CNTNAP2: variants seen among roughly 807,000 people sequenced by gnomAD.
CNTNAP2 encodes contactin-associated protein-like 2.
CNTNAP2 carries 98 observed loss-of-function variants against 155.2 expected under a neutral mutation model. That is an observed-to-expected ratio of 0.63 (90% CI 0.54 to 0.75). The LOEUF (loss-of-function observed/expected upper bound fraction) is 0.75. Among genes scored for constraint, CNTNAP2 ranks in the 30% least tolerant of loss-of-function variants. CNTNAP2 has a pLI of 0.00. For synonymous variants in CNTNAP2, 651 were observed against 631.2 expected (o/e 1.03, Z -0.47); for missense variants, 1,727 against 1,688.1 (o/e 1.02, Z -0.40).
chr7:147,598,828 T>G (rs1021043634), intron 12 of CNTNAP2, among the ~76,000 whole-genome samples: 1 of 152,062 alleles, frequency 6.6e-6, no homozygotes, highest in Non-Finnish European at 1.5e-5. Flanking sequence ...TGAGTTCTCA[T>G]GAGAGCTGAT....
At chr7:146,278,704 A>G (rs1477970392) in intron 1 of CNTNAP2, among the ~76,000 whole-genome samples, 1 of 152,152 alleles carries the variant, frequency 6.6e-6, no homozygotes, top group African/African-American at 2.4e-5. Context: ...AAAAGCAGAA[A>G]ATAGTGATTG....
intron 9 of CNTNAP2, among the ~76,000 whole-genome samples, chr7:147,324,072 G>T (rs10500175): frequency 6.6e-6 from 1 of 151,790 alleles, no homozygotes; most frequent in African/African-American, 2.4e-5. Flanking sequence ...TGAAGGTATA[G>T]TGTGTAGAAT....
At chr7:146,673,912 A>T (rs1251143786) in intron 1 of CNTNAP2, among the ~76,000 whole-genome samples, 1 of 152,150 alleles carries the variant, frequency 6.6e-6, no homozygotes, top group Non-Finnish European at 1.5e-5. Context: ...AACAAACCCA[A>T]GATCAAATTA....
intron 9 of CNTNAP2, among the ~76,000 whole-genome samples, chr7:147,363,525 C>A (rs1353590961): frequency 6.6e-6 from 1 of 152,116 alleles, no homozygotes; most frequent in East Asian, 1.9e-4. Context: ...TTTTCTTGTA[C>A]ACATTCTTTT....
chr7:146,313,970 G>A (rs1202117632), intron 1 of CNTNAP2, among the ~76,000 whole-genome samples: 1 of 151,980 alleles, frequency 6.6e-6, no homozygotes. Context: ...CTGCACTCCG[G>A]TCTGTATGAA....
Position 147,534,401 on chromosome 7 carries a change from T to G in CNTNAP2, c.1778-27737T>G, listed in dbSNP as rs115036350. Among the ~76,000 whole-genome samples the G allele has an allele frequency of 7.5e-3, 1,149 of 152,312 alleles. 16 individuals carry two copies. Among genetic ancestry groups the G allele is most frequent in the African/African-American group, 0.026 (1,099 of 41,562 alleles). On this transcript the variant is annotated intron_variant, in intron 11 of 23. Coordinates refer to ENST00000361727, the MANE Select transcript of CNTNAP2 (RefSeq NM_014141.6). The stretch of plus-strand genomic sequence containing the variant: ...CAGTGCCACTTAGAATTATATTTCT[T>G]AACAAGTTAGAGCTCAATTTCCTCT...
At chr7:148,309,235 C>T (rs1224877908) in intron 21 of CNTNAP2, among the ~76,000 whole-genome samples, 7 of 152,154 alleles carry the variant, frequency 4.6e-5, no homozygotes. Flanking sequence ...TCTTTAAGCA[C>T]ATTTGTTTGT....
chr7:146,558,175 T>C (rs1053891359), intron 1 of CNTNAP2, among the ~76,000 whole-genome samples: 2 of 152,130 alleles, frequency 1.3e-5, no homozygotes, highest in Non-Finnish European at 2.9e-5. Flanking sequence ...TGGACATTCA[T>C]AGCCTGAGGC....
intron 8 of CNTNAP2, among the ~76,000 whole-genome samples, chr7:147,268,311 G>A (rs1227364497): frequency 2.0e-5 from 3 of 151,970 alleles, no homozygotes; most frequent in African/African-American, 7.3e-5. Flanking sequence ...ATATCTTGCT[G>A]CACTGACTTC....
Position 146,639,294 on chromosome 7 carries a change from C to T in CNTNAP2, c.98-134977C>T, listed in dbSNP as rs117605084. Among the ~76,000 whole-genome samples, 70 of 152,186 alleles carry T rather than the reference C, an allele frequency of 4.6e-4. No individual in the cohort carries two copies. The East Asian group carries it at 0.012, about 25-fold the overall frequency. On this transcript the variant is annotated intron_variant, in intron 1 of 23. Coordinates refer to ENST00000361727, the MANE Select transcript of CNTNAP2 (RefSeq NM_014141.6). ...TACTTTAAAAGCTGAAGCACATTAC[C>T]GGAAAAAGCATGATGTGACATCGTT...
chr7:147,399,809 T>C (rs954855458), intron 10 of CNTNAP2, among the ~76,000 whole-genome samples: 2 of 152,160 alleles, frequency 1.3e-5, no homozygotes, highest in Non-Finnish European at 2.9e-5. Flanking sequence ...AGTTACATTT[T>C]ATAAGCAATC....
intron 13 of CNTNAP2, among the ~76,000 whole-genome samples, chr7:147,881,735 C>T (rs1799525828): frequency 6.6e-6 from 1 of 152,254 alleles, no homozygotes; most frequent in South Asian, 2.1e-4. Flanking sequence ...CTTTGGGAGG[C>T]CGAGGCTGGC....
chr7:147,778,419 A>T (rs1563085828), intron 13 of CNTNAP2, among the ~76,000 whole-genome samples: 1 of 152,264 alleles, frequency 6.6e-6, no homozygotes, highest in Admixed American at 6.5e-5. Context: ...GCTGAGGAAC[A>T]TATAAAATGT....
intron 11 of CNTNAP2, among the ~76,000 whole-genome samples, chr7:147,542,301 T>A (rs1057375768): frequency 5.6e-5 from 8 of 143,632 alleles, no homozygotes; most frequent in Admixed American, 1.4e-4. Flanking sequence ...TGTTCAGTGG[T>A]AAAAAAAAAA....
At chr7:146,535,137 T>G (rs1194964152) in intron 1 of CNTNAP2, among the ~76,000 whole-genome samples, 1 of 572 alleles carries the variant, frequency 1.7e-3, no homozygotes, top group Admixed American at 0.018. Context: ...TATAATATAT[T>G]ATATTATATC....
chr7:147,524,834 A>G (rs1047590406), intron 11 of CNTNAP2, among the ~76,000 whole-genome samples: 3 of 152,232 alleles, frequency 2.0e-5, no homozygotes, highest in Non-Finnish European at 4.4e-5. Flanking sequence ...CCACAGCTCT[A>G]GTGGTCACAA....
intron 1 of CNTNAP2, among the ~76,000 whole-genome samples, chr7:146,222,575 T>TGTGTGTGTGTGC (rs1262023291): frequency 6.8e-6 from 1 of 147,266 alleles, no homozygotes; most frequent in African/African-American, 2.5e-5. Flanking sequence ...TGTGTGTGTG[T>TGTGTGTGTGTGC]GCGTGCACAT....
intron 11 of CNTNAP2, among the ~76,000 whole-genome samples, chr7:147,548,614 G>C (rs1458828620): frequency 1.3e-5 from 2 of 152,152 alleles, no homozygotes; most frequent in African/African-American, 2.4e-5. Flanking sequence ...AGTTTAATTA[G>C]ATCCCATTTG....
intron 1 of CNTNAP2, among the ~76,000 whole-genome samples, chr7:146,679,618 G>A (rs140214896): frequency 6.6e-6 from 1 of 152,084 alleles, no homozygotes; most frequent in Non-Finnish European, 1.5e-5. Flanking sequence ...GCCTCCCAAA[G>A]TGCTAGGATT....
Sources: gnomAD v4.1 joint callset for allele counts (sites outside exome capture counted in the v4.1 genomes callset) on GRCh38, gnomAD v4.1.1 for gene constraint, MANE v1.5 for transcripts, NCBI Gene and HGNC (gene_info 2026-07-23, HGNC 2026-07-21) for gene names.